ERGIC1: variants seen among roughly 807,000 people sequenced by gnomAD.
ERGIC1 encodes endoplasmic reticulum-golgi intermediate compartment 1.
ERGIC1 carries 19 observed loss-of-function variants against 38.3 expected under a neutral mutation model. That is an observed-to-expected ratio of 0.50 (90% CI 0.35 to 0.73). The LOEUF is 0.73. Among genes scored for constraint, ERGIC1 ranks in the 30% least tolerant of loss-of-function variants. The pLI is 0.01. For synonymous variants in ERGIC1, 124 were observed against 157.6 expected, an observed-to-expected ratio of 0.79 and a Z score of 1.60; for missense variants, 294 against 389.2, an observed-to-expected ratio of 0.76 and a Z score of 2.06.
intron 7 of ERGIC1, among the ~76,000 whole-genome samples, chr5:172,928,717 T>C (rs1485574982): frequency 6.6e-6 from 1 of 152,112 alleles, no homozygotes; most frequent in Non-Finnish European, 1.5e-5. Flanking sequence ...ATGGAAGAGC[T>C]CCTGCCAGAT....
At chr5:172,901,281 C>A (rs2113334470) in intron 3 of ERGIC1, among the ~76,000 whole-genome samples, 1 of 152,278 alleles carries the variant, frequency 6.6e-6, no homozygotes, top group South Asian at 2.1e-4. Context: ...GGTGGTTGGG[C>A]TCCAACCTGG....
chr5:172,919,291 C>T (rs900114193), intron 5 of ERGIC1, among the ~76,000 whole-genome samples: 8 of 152,210 alleles, frequency 5.3e-5, no homozygotes, highest in South Asian at 2.1e-4. Flanking sequence ...GATGAACAGA[C>T]GTACACGCAC....
intron 3 of ERGIC1, chr5:172,905,356 C>T: frequency 2.3e-6 from 1 of 430,058 alleles, no homozygotes; most frequent in Non-Finnish European, 5.0e-6. Context: ...GAAGGCCAGG[C>T]AGAGCATTTG....
intron 5 of ERGIC1, chr5:172,920,368 T>C (rs1428436214): frequency 1.5e-5 from 11 of 717,822 alleles, no homozygotes; most frequent in Non-Finnish European, 2.6e-5. Flanking sequence ...CCCCAGGAAG[T>C]TGACCAGCAG....
intron 1 of ERGIC1, among the ~76,000 whole-genome samples, chr5:172,866,359 G>T (rs1430483707): frequency 2.6e-5 from 4 of 152,182 alleles, no homozygotes; most frequent in Admixed American, 1.3e-4. Context: ...TCTCATCTTG[G>T]ACCTATGGGG....
In ERGIC1 at chr5:172,952,119, C is replaced by A. The variant is rs1318237789; in HGVS notation, c.*1303C>A. 1 of 152,196 alleles carries A rather than the reference C, an allele frequency of 6.6e-6. No homozygotes were observed. The highest frequency in any genetic ancestry group is 2.4e-5 in the African/African-American group (1 of 41,432). The allele number at this position is 152,196 out of a possible 1,614,324, so 9.4% of individuals were successfully genotyped here. Reference sequence around the variant, plus strand: ...TCCACCCAGGGAATTTTAGCTATGCCCTCATGTCCCAGGGAGAGAGCCACA... The same window carrying A: ...TCCACCCAGGGAATTTTAGCTATGCACTCATGTCCCAGGGAGAGAGCCACA... On this transcript the variant is annotated 3_prime_UTR_variant, in exon 10 of 10. Transcript: ENST00000393784.
chr5:172,911,968 C>T (rs368124989), intron 4 of ERGIC1, among the ~76,000 whole-genome samples: 25 of 151,706 alleles, frequency 1.6e-4, no homozygotes, highest in Non-Finnish European at 1.8e-4. Context: ...CATGTGTGTG[C>T]GTGTCTGTGA....
chr5:172,837,132 C>T lies in ERGIC1; in HGVS notation c.20+2699C>T, dbSNP rs1352311840. Among the ~76,000 whole-genome samples, 1 of 152,154 alleles carries T rather than the reference C, an allele frequency of 6.6e-6. No homozygotes were observed. The highest frequency in any genetic ancestry group is 1.5e-5 in the Non-Finnish European group (1 of 68,026). ...GCCAGGGAGAAAACCAGCCGTCCTG[C>T]TCGTGTTCCCCTTCTTAAAATCAGA... On this transcript the variant is annotated intron_variant, in intron 1 of 9. Coordinates refer to ENST00000393784, the MANE Select transcript of ERGIC1 (RefSeq NM_001031711.3). The surrounding 1 kb of genome is among the most constrained non-coding windows in gnomAD (Gnocchi z 4.3).
Position 172,952,522 on chromosome 5 carries a change from A to AAG in ERGIC1, c.*1707_*1708insGA, listed in dbSNP as rs1255901955. The AAG allele has an allele frequency of 2.2e-5, 3 of 138,198 alleles. No homozygotes were observed. The highest frequency in any genetic ancestry group is 1.0e-4 in the African/African-American group (3 of 29,164). The allele number at this position is 138,198 out of a possible 1,614,324, so 8.6% of individuals were successfully genotyped here. On this transcript the variant is annotated 3_prime_UTR_variant, in exon 10 of 10. Coordinates refer to ENST00000393784, the MANE Select transcript of ERGIC1 (RefSeq NM_001031711.3). ...ATTCTTTTATGCATTTTTTTGAAGA[A>AAG]AAAAAAAAAAACAACTCTGAGGACA...
intron 3 of ERGIC1, among the ~76,000 whole-genome samples, chr5:172,901,242 G>T (rs534141456): frequency 3.9e-5 from 6 of 152,214 alleles, no homozygotes; most frequent in Non-Finnish European, 5.9e-5. Flanking sequence ...TGGGCCTGGT[G>T]GGGGGTGAGG....
At chr5:172,874,333 G>A (rs1475892867) in intron 1 of ERGIC1, among the ~76,000 whole-genome samples, 3 of 151,786 alleles carry the variant, frequency 2.0e-5, no homozygotes, top group East Asian at 1.9e-4. Context: ...CACCCGCCTC[G>A]GCCTCCCAAA....
At chr5:172,946,111 G>A (rs565814199) in intron 9 of ERGIC1, among the ~76,000 whole-genome samples, 5 of 152,182 alleles carry the variant, frequency 3.3e-5, no homozygotes, top group Non-Finnish European at 7.4e-5. Context: ...CAGGAAAGCC[G>A]GGTGGACTCC....
chr5:172,853,829 G>A (rs1275120534), intron 1 of ERGIC1, among the ~76,000 whole-genome samples: 1 of 152,174 alleles, frequency 6.6e-6, no homozygotes, highest in Non-Finnish European at 1.5e-5. Flanking sequence ...TGGAGAGAGT[G>A]GTGCCCACCT....
intron 1 of ERGIC1, 141 bp from the exon 2 acceptor site, chr5:172,888,558 A>C: frequency 1.4e-6 from 1 of 723,004 alleles, no homozygotes; most frequent in Admixed American, 2.0e-5. Flanking sequence ...ATCTTGGAGA[A>C]AGTGTCCTGA....
intron 4 of ERGIC1, among the ~76,000 whole-genome samples, chr5:172,912,189 T>C (rs1763224140): frequency 6.6e-6 from 1 of 152,014 alleles, no homozygotes; most frequent in South Asian, 2.1e-4. Context: ...GGCCCTGTCC[T>C]GCGTCCTTTG....
intron 1 of ERGIC1, among the ~76,000 whole-genome samples, chr5:172,857,254 G>GCCAA (rs1761572655): frequency 1.3e-5 from 2 of 152,168 alleles, no homozygotes; most frequent in Non-Finnish European, 2.9e-5. Flanking sequence ...AAATGAATGG[G>GCCAA]GCTGAGACGC....
chr5:172,894,996 A>T (rs911201888), intron 2 of ERGIC1, among the ~76,000 whole-genome samples: 1 of 152,276 alleles, frequency 6.6e-6, no homozygotes, highest in Admixed American at 6.5e-5. Flanking sequence ...ATGTAAATAG[A>T]TACAGACTAA....
At chr5:172,848,875 C>A (rs957337078) in intron 1 of ERGIC1, among the ~76,000 whole-genome samples, 1 of 152,120 alleles carries the variant, frequency 6.6e-6, no homozygotes, top group African/African-American at 2.4e-5. Flanking sequence ...TTATTTTGAC[C>A]GAGTCCTGAG....
chr5:172,926,402 T>C lies in ERGIC1; in HGVS notation c.481-107T>C, dbSNP rs1357688403. ...TCCGCTGGAGCCCCCTTTTACACAT[T>C]GGTAGGGTTCCTAGACCAGGTGGTA... On this transcript the variant is annotated intron_variant, in intron 6 of 9. Transcript: ENST00000393784. The surrounding 1 kb of genome is among the most constrained non-coding windows in gnomAD (Gnocchi z 5.2). The C allele has an allele frequency of 3.2e-6, 4 of 1,237,034 alleles. No homozygotes were observed. In the East Asian group the frequency reaches 9.4e-5, roughly 29 times the overall value. The allele number at this position is 1,237,034 out of a possible 1,614,324, so 76.6% of individuals were successfully genotyped here.
Sources: allele counts gnomAD v4.1 joint callset (sites outside exome capture counted in the v4.1 genomes callset), GRCh38; gene constraint gnomAD v4.1.1; non-coding constraint Gnocchi (gnomAD v3.1); transcripts MANE v1.5; gene names NCBI Gene and HGNC (gene_info 2026-07-23, HGNC 2026-07-21).